Variants in CTNND2 observed in about 807,000 individuals in gnomAD.
CTNND2 encodes catenin delta-2.
In CTNND2, 22 loss-of-function variants were observed where a neutral mutation model predicts 144.4. That is an observed-to-expected ratio of 0.15 (90% CI 0.11 to 0.22). CTNND2 has a LOEUF of 0.22. Ranked by LOEUF, CTNND2 falls within the 10% of genes least tolerant of loss-of-function variation. The probability of loss-of-function intolerance (pLI) is 1.00; values close to 1 mark genes in which losing one functional copy is unlikely to be tolerated. For synonymous variants in CTNND2, 751 were observed against 695.6 expected (o/e 1.08, Z -1.25); for missense variants, 1,353 against 1,618.8 (o/e 0.84, Z 2.82).
chr5:11,034,872 T>A (rs551988863), intron 16 of CTNND2, among the ~76,000 whole-genome samples: 35 of 152,280 alleles, frequency 2.3e-4, no homozygotes, highest in East Asian at 1.3e-3. Context: ...GCCTCTTTTT[T>A]AAATTTATTA....
At chr5:11,173,993 T>C (rs934947701) in intron 11 of CTNND2, among the ~76,000 whole-genome samples, 1 of 151,962 alleles carries the variant, frequency 6.6e-6, no homozygotes, top group African/African-American at 2.4e-5. Flanking sequence ...AAGGGAGAAA[T>C]GGCCAGCAGA....
intron 3 of CTNND2, among the ~76,000 whole-genome samples, chr5:11,561,942 A>G (rs1776713963): frequency 6.6e-6 from 1 of 152,122 alleles, no homozygotes; most frequent in Admixed American, 6.6e-5. Flanking sequence ...GCTACTCAGG[A>G]GGCTGAGGCA....
At chr5:11,150,268 C>T (rs561335172) in intron 12 of CTNND2, among the ~76,000 whole-genome samples, 2 of 152,286 alleles carry the variant, frequency 1.3e-5, no homozygotes, top group South Asian at 2.1e-4. Flanking sequence ...CCACCGCCCC[C>T]GCCTACTCCT....
intron 1 of CTNND2, among the ~76,000 whole-genome samples, chr5:11,816,620 AGG>A (rs1792677646): frequency 8.4e-6 from 1 of 119,486 alleles, no homozygotes; most frequent in African/African-American, 3.3e-5. Flanking sequence ...AGAGAGAGAG[AGG>A]GAAGAGGGAG....
intron 7 of CTNND2, among the ~76,000 whole-genome samples, chr5:11,365,824 G>A (rs763261603): frequency 1.1e-4 from 16 of 152,154 alleles, no homozygotes; most frequent in Admixed American, 2.0e-4. Context: ...GAGCAGAAAC[G>A]TCACGAAAAT....
chr5:11,485,364 TGTGTGTGTGTGCGCGC>T (rs1768703024), intron 3 of CTNND2, among the ~76,000 whole-genome samples: 1 of 126,262 alleles, frequency 7.9e-6, no homozygotes, highest in Non-Finnish European at 1.8e-5. Flanking sequence ...TGTGTGTGTG[TGTGTGTGTGTGCGCGC>T]GCGCGCGTGC....
intron 1 of CTNND2, among the ~76,000 whole-genome samples, chr5:11,886,895 C>G (rs1736575532): frequency 6.6e-6 from 1 of 151,314 alleles, no homozygotes; most frequent in Admixed American, 6.6e-5. Flanking sequence ...AAACAAAATA[C>G]CTGAGCAATT....
At chr5:11,423,795 T>C (rs1456450445) in intron 3 of CTNND2, among the ~76,000 whole-genome samples, 1 of 152,240 alleles carries the variant, frequency 6.6e-6, no homozygotes, top group Non-Finnish European at 1.5e-5. Context: ...GCATTTGCTA[T>C]GATTTTATTA....
chr5:11,056,053 A>C (rs2149588585), intron 16 of CTNND2, among the ~76,000 whole-genome samples: 1 of 152,344 alleles, frequency 6.6e-6, no homozygotes, highest in Non-Finnish European at 1.5e-5. Flanking sequence ...TAGTTGCAAC[A>C]TGCAGTGACC....
intron 3 of CTNND2, among the ~76,000 whole-genome samples, chr5:11,494,682 T>C (rs752345982): frequency 6.6e-6 from 1 of 152,148 alleles, no homozygotes; most frequent in East Asian, 1.9e-4. Flanking sequence ...ATACTTCTGA[T>C]AGGTTTCAGA....
chr5:11,509,893 T>A (rs142452827), intron 3 of CTNND2, among the ~76,000 whole-genome samples: 60 of 152,246 alleles, frequency 3.9e-4, no homozygotes, highest in African/African-American at 1.4e-3. Flanking sequence ...AGGAACAGAA[T>A]CAAAGCTTCA....
Position 10,973,134 on chromosome 5 carries a change from C to A in CTNND2, c.*319G>T, listed in dbSNP as rs61752748. The A allele has an allele frequency of 1.3e-5, 3 of 235,444 alleles. No individual in the cohort carries two copies. Among genetic ancestry groups the A allele is most frequent in the African/African-American group, 2.3e-5 (1 of 44,422 alleles). The allele number at this position is 235,444 out of a possible 1,614,324, so 14.6% of individuals were successfully genotyped here. On this transcript the variant is annotated 3_prime_UTR_variant, in exon 22 of 22. Transcript: ENST00000304623. This position sits in a 1 kb window ranked among gnomAD's most constrained non-coding sequence, Gnocchi z 5.6. ...GCTTAACGATAACCCTTACGCCCCA[C>A]CGGCCCGAATGCCTCGTCTCTCCTC...
In CTNND2 at chr5:11,696,421, A is replaced by T. The variant is rs183399350; in HGVS notation, c.174+35715T>A. Among the ~76,000 whole-genome samples the T allele has an allele frequency of 2.6e-3, 401 of 152,284 alleles. 3 individuals carry two copies. The highest frequency in any genetic ancestry group is 9.3e-3 in the African/African-American group (385 of 41,560). On this transcript the variant is annotated intron_variant, in intron 2 of 21. Transcript: ENST00000304623. ...TTTGCAGACCACTAGTTCAAGCCCCACTGCAGATTCAGTCAACTGCCCTAA... is the reference window on the plus strand; with the variant it reads ...TTTGCAGACCACTAGTTCAAGCCCCTCTGCAGATTCAGTCAACTGCCCTAA...
rs75934635 is a variant in CTNND2 at position 11,013,989 on chromosome 5, C to A, written c.3084+3985G>T. On this transcript the variant is annotated intron_variant, in intron 18 of 21. Coordinates refer to ENST00000304623, the MANE Select transcript of CTNND2 (RefSeq NM_001332.4). Reference sequence around the variant, plus strand: ...CAGGAATGATGTTTCTTTTGCAAGGCAGAGCAATGTGACAGGCATCAAGGT... The same window carrying A: ...CAGGAATGATGTTTCTTTTGCAAGGAAGAGCAATGTGACAGGCATCAAGGT... Among the ~76,000 whole-genome samples the A allele has an allele frequency of 1.2e-3, 177 of 152,314 alleles. 2 individuals carry two copies. The East Asian group carries it at 0.031, about 27-fold the overall frequency.
chr5:11,655,461 G>T (rs181854146), intron 2 of CTNND2, among the ~76,000 whole-genome samples: 1 of 151,952 alleles, frequency 6.6e-6, no homozygotes, highest in East Asian at 1.9e-4. Flanking sequence ...TCCACAACAT[G>T]GATATCTCAC....
At chr5:11,683,543 C>T (rs747687732) in intron 2 of CTNND2, among the ~76,000 whole-genome samples, 9 of 152,206 alleles carry the variant, frequency 5.9e-5, no homozygotes, top group Non-Finnish European at 1.2e-4. Context: ...GTTGGCAATC[C>T]TGTAACTGTT....
At chr5:11,095,699 T>G (rs1751269334) in intron 15 of CTNND2, among the ~76,000 whole-genome samples, 1 of 152,260 alleles carries the variant, frequency 6.6e-6, no homozygotes, top group South Asian at 2.1e-4. Context: ...AATGAATGAT[T>G]AGTGCCACTG....
chr5:11,823,832 G>A (rs999319949), intron 1 of CTNND2, among the ~76,000 whole-genome samples: 1 of 152,056 alleles, frequency 6.6e-6, no homozygotes, highest in African/African-American at 2.4e-5. Context: ...GCTCAGCTGG[G>A]CACAGTGGCT....
At chr5:11,460,727 A>G (rs1031493417) in intron 3 of CTNND2, among the ~76,000 whole-genome samples, 2 of 152,124 alleles carry the variant, frequency 1.3e-5, no homozygotes, top group African/African-American at 4.8e-5. Context: ...CTGCTCAAAT[A>G]TCACTTTACC....
Sources: allele counts gnomAD v4.1 joint callset (sites outside exome capture counted in the v4.1 genomes callset), GRCh38; gene constraint gnomAD v4.1.1; non-coding constraint Gnocchi (gnomAD v3.1); transcripts MANE v1.5; gene names NCBI Gene and HGNC (gene_info 2026-07-23, HGNC 2026-07-21).